Variants in UVRAG observed in about 807,000 individuals in gnomAD.
UVRAG encodes UV radiation resistance associated.
In UVRAG, 19 loss-of-function variants were observed where a neutral mutation model predicts 78.0. The observed-to-expected ratio is 0.24, with a 90% CI of 0.17 to 0.36. The LOEUF (loss-of-function observed/expected upper bound fraction) is 0.36. Ranked by LOEUF, UVRAG falls within the 10% of genes least tolerant of loss-of-function variation. The pLI, the probability that UVRAG is intolerant of heterozygous loss-of-function variation, is 1.00. For missense variants in UVRAG, 740 were observed against 853.8 expected (o/e 0.87, Z 1.66); for synonymous variants, 323 against 324.6 (o/e 1.00, Z 0.05).
chr11:76,108,172 A>G (rs1240629821), intron 13 of UVRAG, among the ~76,000 whole-genome samples: 1 of 152,176 alleles, frequency 6.6e-6, no homozygotes, highest in Non-Finnish European at 1.5e-5. Flanking sequence ...GTGAATGAAT[A>G]CAGTTTGGAA....
chr11:75,990,962 T>C (rs1286886181), intron 8 of UVRAG, among the ~76,000 whole-genome samples: 2 of 152,196 alleles, frequency 1.3e-5, no homozygotes, highest in Non-Finnish European at 2.9e-5. Flanking sequence ...ATGGGTATCA[T>C]TGCTAAAGAA....
intron 10 of UVRAG, among the ~76,000 whole-genome samples, chr11:76,008,603 GTTA>G (rs1274880581): frequency 2.0e-5 from 3 of 152,100 alleles, no homozygotes; most frequent in Admixed American, 6.5e-5. Flanking sequence ...TGTCTTAAAT[GTTA>G]TTATAGAAAA....
Position 75,908,712 on chromosome 11 carries a change from CTTTTTTTTTTT to C in UVRAG, c.508-3225_508-3215del, listed in dbSNP as rs1024795820. Among the ~76,000 whole-genome samples, 55 of 45,450 alleles carry C rather than the reference CTTTTTTTTTTT, an allele frequency of 1.2e-3. 2 individuals carry two copies. The highest frequency in any genetic ancestry group is 9.5e-3 in the Admixed American group (43 of 4,528). The allele number at this position is 45,450 out of a possible 152,430, so 29.8% of individuals were successfully genotyped here. On this transcript the variant is annotated intron_variant, in intron 5 of 14. Coordinates refer to ENST00000356136, the MANE Select transcript of UVRAG (RefSeq NM_003369.4). ...ACCAGTCAAATAATCTGGTTCTGGG[CTTTTTTTTTTT>C]TTTTTTTTTTTTTTTTGTGGGAGTT...
intron 6 of UVRAG, among the ~76,000 whole-genome samples, chr11:75,943,943 G>T (rs575909886): frequency 6.6e-6 from 1 of 152,250 alleles, no homozygotes; most frequent in East Asian, 1.9e-4. Flanking sequence ...CCATCAACGA[G>T]TATTTGAGTG....
chr11:75,975,999 G>T (rs1450158737), intron 7 of UVRAG, among the ~76,000 whole-genome samples: 1 of 152,126 alleles, frequency 6.6e-6, no homozygotes, highest in Non-Finnish European at 1.5e-5. Flanking sequence ...TATTGGCTGT[G>T]GGTTTGTCAT....
At chr11:75,825,236 G>A (rs1240524965) in intron 1 of UVRAG, among the ~76,000 whole-genome samples, 2 of 151,802 alleles carry the variant, frequency 1.3e-5, no homozygotes, top group Non-Finnish European at 1.5e-5. Flanking sequence ...AGCCTCCCGA[G>A]TAGCCTCCCG....
intron 14 of UVRAG, among the ~76,000 whole-genome samples, chr11:76,128,147 A>C (rs1279963429): frequency 6.6e-6 from 1 of 152,218 alleles, no homozygotes; most frequent in East Asian, 1.9e-4. Context: ...GTTAGGAACC[A>C]GGCCTCACAG....
At chr11:75,894,627 C>T (rs1304023865) in intron 5 of UVRAG, among the ~76,000 whole-genome samples, 1 of 151,718 alleles carries the variant, frequency 6.6e-6, no homozygotes, top group Non-Finnish European at 1.5e-5. Context: ...TGGTCTCAAA[C>T]CCCTGATCCC....
At chr11:75,904,931 A>G (rs1031612916) in intron 5 of UVRAG, among the ~76,000 whole-genome samples, 5 of 152,174 alleles carry the variant, frequency 3.3e-5, no homozygotes, top group African/African-American at 1.2e-4. Context: ...ACTGAGGCCT[A>G]GGAGAGTTAA....
intron 6 of UVRAG, among the ~76,000 whole-genome samples, chr11:75,918,935 C>T (rs931388055): frequency 4.6e-5 from 7 of 152,198 alleles, no homozygotes; most frequent in African/African-American, 1.4e-4. Flanking sequence ...GCTCTCCACA[C>T]AACATGTGGT....
At chr11:75,882,563 T>C (rs1369149402) in intron 4 of UVRAG, among the ~76,000 whole-genome samples, 1 of 152,106 alleles carries the variant, frequency 6.6e-6, no homozygotes, top group Non-Finnish European at 1.5e-5. Flanking sequence ...TAAAAATCTC[T>C]GTGCTCATTT....
At chr11:75,900,119 A>G (rs1947457192) in intron 5 of UVRAG, among the ~76,000 whole-genome samples, 1 of 152,200 alleles carries the variant, frequency 6.6e-6, no homozygotes, top group South Asian at 2.1e-4. Context: ...AGAACTTTTA[A>G]TACTGTAAAA....
chr11:76,075,518 C>A (rs1951387898), intron 13 of UVRAG, among the ~76,000 whole-genome samples: 1 of 151,428 alleles, frequency 6.6e-6, no homozygotes. Context: ...GAGGCTGAGG[C>A]AGGAGTGAAG....
intron 6 of UVRAG, among the ~76,000 whole-genome samples, chr11:75,924,675 A>G (rs1591024274): frequency 6.6e-6 from 1 of 152,304 alleles, no homozygotes; most frequent in Non-Finnish European, 1.5e-5. Flanking sequence ...GGCGGGAGCC[A>G]CCGTGCCTGG....
chr11:76,084,101 C>T (rs1951543566), intron 13 of UVRAG, among the ~76,000 whole-genome samples: 1 of 152,204 alleles, frequency 6.6e-6, no homozygotes, highest in East Asian at 1.9e-4. Flanking sequence ...TGTCCCTTAG[C>T]TCCTGACACT....
chr11:76,132,052 G>A (rs551457125), intron 14 of UVRAG, among the ~76,000 whole-genome samples: 63 of 152,188 alleles, frequency 4.1e-4, no homozygotes, highest in Non-Finnish European at 8.7e-4. Flanking sequence ...TTGGCAACCC[G>A]CTTTTGGCAC....
At position 76,065,793 on chromosome 11, in the gene UVRAG, G is replaced by C; in HGVS notation, c.1305+5G>C. The C allele has an allele frequency of 6.2e-7, 1 of 1,612,974 alleles. No individual in the cohort carries two copies. Among genetic ancestry groups the C allele is most frequent in the Non-Finnish European group, 8.5e-7 (1 of 1,179,334 alleles). On this transcript the variant is annotated splice_donor_5th_base_variant and intron_variant, in intron 13 of 14. Transcript: ENST00000356136. ...CTGAACAAAAATATAGCACAGGTAA[G>C]TCTCTGTTCTTCACTTCTCTCCTAC...
At chr11:76,035,251 G>A (rs1367242861) in intron 12 of UVRAG, among the ~76,000 whole-genome samples, 1 of 152,110 alleles carries the variant, frequency 6.6e-6, no homozygotes, top group Non-Finnish European at 1.5e-5. Flanking sequence ...AGAGATATAA[G>A]AATTTTGTAT....
chr11:75,948,298 A>T (rs981892476), intron 6 of UVRAG, among the ~76,000 whole-genome samples: 1 of 152,188 alleles, frequency 6.6e-6, no homozygotes, highest in Non-Finnish European at 1.5e-5. Flanking sequence ...GAGCATTCTC[A>T]TGGCAGTGTT....
Sources: gnomAD v4.1 joint callset for allele counts (sites outside exome capture counted in the v4.1 genomes callset) on GRCh38, gnomAD v4.1.1 for gene constraint, MANE v1.5 for transcripts, NCBI Gene and HGNC (gene_info 2026-07-23, HGNC 2026-07-21) for gene names.